The following SHISA9 variants were observed in gnomAD, a reference collection of about 807,000 sequenced individuals.
SHISA9 encodes the protein shisa family member 9, also known as protein shisa-9.
A neutral mutation model predicts 38.0 loss-of-function variants in SHISA9; 13 were observed. The observed-to-expected ratio is 0.34, with a 90% CI of 0.22 to 0.54. The LOEUF (loss-of-function observed/expected upper bound fraction) is 0.54. Among genes scored for constraint, SHISA9 ranks in the 20% least tolerant of loss-of-function variants. The pLI is 0.91. For synonymous variants in SHISA9, 275 were observed against 242.0 expected (o/e 1.14, Z -1.27); for missense variants, 538 against 575.8 (o/e 0.93, Z 0.67).
chr16:12,971,521 C>T (rs1215238496), intron 2 of SHISA9, among the ~76,000 whole-genome samples: 1 of 152,198 alleles, frequency 6.6e-6, no homozygotes, highest in Non-Finnish European at 1.5e-5. Flanking sequence ...GGAACTGTGA[C>T]CTAATTTGCT....
At chr16:13,276,580 T>G in the SHISA9 span, among the ~76,000 whole-genome samples, 1 of 152,298 alleles carries the variant, frequency 6.6e-6, no homozygotes, top group East Asian at 1.9e-4. Context: ...CAACATCTAC[T>G]GTTTTTTTAT....
intron 2 of SHISA9, among the ~76,000 whole-genome samples, chr16:12,953,817 C>G (rs1239771016): frequency 6.6e-6 from 1 of 152,100 alleles, no homozygotes; most frequent in African/African-American, 2.4e-5. Flanking sequence ...AACTTACAAT[C>G]GTGGTGGAAG....
chr16:13,095,844 A>G (rs1353125965), intron 2 of SHISA9, among the ~76,000 whole-genome samples: 1 of 152,254 alleles, frequency 6.6e-6, no homozygotes, highest in East Asian at 1.9e-4. Flanking sequence ...GCGAGCATGC[A>G]TCAGGATCAC....
At chr16:13,001,946 T>A (rs1303444489) in intron 2 of SHISA9, among the ~76,000 whole-genome samples, 1 of 152,376 alleles carries the variant, frequency 6.6e-6, no homozygotes, top group East Asian at 1.9e-4. Context: ...GTATTGAGTG[T>A]TCACTGTAAA....
chr16:13,397,835 G>C, the SHISA9 span, among the ~76,000 whole-genome samples: 5 of 152,204 alleles, frequency 3.3e-5, no homozygotes, highest in African/African-American at 1.2e-4. Flanking sequence ...CTGTATCCCA[G>C]GGTTTCTTGC....
At chr16:13,495,837 A>G in the SHISA9 span, among the ~76,000 whole-genome samples, 3 of 152,180 alleles carry the variant, frequency 2.0e-5, no homozygotes, top group African/African-American at 7.2e-5. Flanking sequence ...TTTAGAAACT[A>G]AACCGATGGT....
At chr16:13,125,522 A>C (rs1235911907) in intron 2 of SHISA9, among the ~76,000 whole-genome samples, 2 of 152,192 alleles carry the variant, frequency 1.3e-5, no homozygotes, top group Non-Finnish European at 2.9e-5. Flanking sequence ...TACAGTCATG[A>C]ATTTAGAAAC....
the SHISA9 span, among the ~76,000 whole-genome samples, chr16:13,245,661 A>G: frequency 6.6e-6 from 1 of 152,212 alleles, no homozygotes; most frequent in Non-Finnish European, 1.5e-5. Context: ...AAAGTAACCC[A>G]GGAAGTCAGT....
the SHISA9 span, among the ~76,000 whole-genome samples, chr16:13,424,881 A>G: frequency 1.3e-5 from 2 of 152,196 alleles, no homozygotes; most frequent in Non-Finnish European, 2.9e-5. Flanking sequence ...GTCTTCAGGT[A>G]TCTTTGTTTC....
intron 2 of SHISA9, among the ~76,000 whole-genome samples, chr16:13,187,328 C>CTTTTTTTTTTT (rs372286181): frequency 3.9e-4 from 35 of 90,708 alleles, no homozygotes; most frequent in East Asian, 2.6e-3. Flanking sequence ...CTTTTCTTTT[C>CTTTTTTTTTTT]TTTTTTTTTT....
At chr16:13,388,004 C>G in the SHISA9 span, among the ~76,000 whole-genome samples, 1 of 152,104 alleles carries the variant, frequency 6.6e-6, no homozygotes, top group Non-Finnish European at 1.5e-5. Flanking sequence ...TACTGAGAGC[C>G]GTGAAGCCTC....
At chr16:12,990,507 A>G (rs2072370741) in intron 2 of SHISA9, among the ~76,000 whole-genome samples, 1 of 152,194 alleles carries the variant, frequency 6.6e-6, no homozygotes, top group African/African-American at 2.4e-5. Flanking sequence ...TGTGGTTTTG[A>G]TTCACATCAT....
intron 2 of SHISA9, among the ~76,000 whole-genome samples, chr16:13,133,896 A>T (rs1381711543): frequency 6.6e-6 from 1 of 152,196 alleles, no homozygotes; most frequent in Non-Finnish European, 1.5e-5. Context: ...TATCATCGAC[A>T]TTGTTTCAAA....
the SHISA9 span, among the ~76,000 whole-genome samples, chr16:13,469,429 AAGAAAG>A: frequency 2.3e-5 from 3 of 130,872 alleles, no homozygotes; most frequent in African/African-American, 8.6e-5. Context: ...AAGAAAAAGA[AAGAAAG>A]AGAAAGAAAG....
In SHISA9 at chr16:12,902,484, C is replaced by G. The variant is rs2071032005; in HGVS notation, c.420C>G (p.Asp140Glu). 6.4e-7 allele frequency: 1 copy of G among 1,551,620 alleles called. No individual in the cohort carries two copies. Among genetic ancestry groups the G allele is most frequent in the Non-Finnish European group, 8.7e-7 (1 of 1,147,010 alleles). The change falls in exon 1 of 5, where the codon GAC becomes GAG. Residue 140 changes from aspartate (D) to glutamate (E), a missense_variant. Coordinates refer to ENST00000558583, the MANE Select transcript of SHISA9 (RefSeq NM_001145204.3). ...GCAAGCCCCCCGCCCGCAAGGACGA[C>G]CCCTTGCACGACCCCACCAAGGACA... ...NTGKPPARKD[D>E]PLHDPTKDKT...
At chr16:13,411,191 T>C in the SHISA9 span, among the ~76,000 whole-genome samples, 1 of 152,230 alleles carries the variant, frequency 6.6e-6, no homozygotes, top group Non-Finnish European at 1.5e-5. Context: ...CCTTCCTCCT[T>C]AAGTGAGATA....
chr16:13,498,620 G>A, the SHISA9 span, among the ~76,000 whole-genome samples: 1 of 152,046 alleles, frequency 6.6e-6, no homozygotes, highest in Admixed American at 6.6e-5. Context: ...AGCCGAGTAT[G>A]GTGGCGGGCA....
the SHISA9 span, among the ~76,000 whole-genome samples, chr16:13,515,985 T>G: frequency 6.6e-6 from 1 of 152,212 alleles, no homozygotes; most frequent in Non-Finnish European, 1.5e-5. Context: ...ACAACACCTT[T>G]AATGGACTGG....
At chr16:13,089,985 G>A (rs2073756600) in intron 2 of SHISA9, among the ~76,000 whole-genome samples, 1 of 152,184 alleles carries the variant, frequency 6.6e-6, no homozygotes, top group South Asian at 2.1e-4. Context: ...GTGTCCCAGA[G>A]ATTCTGGTGC....
Sources: allele counts gnomAD v4.1 joint callset (sites outside exome capture counted in the v4.1 genomes callset), GRCh38; gene constraint gnomAD v4.1.1; transcripts MANE v1.5; gene names NCBI Gene and HGNC (gene_info 2026-07-23, HGNC 2026-07-21).